The following CHRM2 variants were observed in gnomAD, a reference collection of about 807,000 sequenced individuals.
CHRM2 encodes the protein cholinergic receptor muscarinic 2.
A neutral mutation model predicts 25.0 loss-of-function variants in CHRM2; 8 were observed. The observed-to-expected ratio is 0.32, with a 90% CI of 0.19 to 0.58. CHRM2 has a LOEUF of 0.58. Among genes scored for constraint, CHRM2 ranks in the 20% least tolerant of loss-of-function variants. CHRM2 has a pLI of 0.88. For missense variants in CHRM2, 440 were observed against 567.1 expected, an observed-to-expected ratio of 0.78 and a Z score of 2.28; for synonymous variants, 202 against 205.7, an observed-to-expected ratio of 0.98 and a Z score of 0.15.
intron 2 of CHRM2, among the ~76,000 whole-genome samples, chr7:136,906,747 A>G (rs1039338066): frequency 1.8e-4 from 27 of 151,784 alleles, no homozygotes; most frequent in Admixed American, 1.3e-3. Context: ...AGTGGTCCCC[A>G]ACCTTTTTGG....
chr7:136,921,794 C>CTTTTTTTTTTTT (rs398006503), intron 2 of CHRM2, among the ~76,000 whole-genome samples: 5 of 116,538 alleles, frequency 4.3e-5, no homozygotes, highest in Non-Finnish European at 8.2e-5. Flanking sequence ...TTCTTTCTTT[C>CTTTTTTTTTTTT]TTTTTTTTGA....
At chr7:136,883,443 T>C (rs1187431024) in intron 2 of CHRM2, among the ~76,000 whole-genome samples, 1 of 152,086 alleles carries the variant, frequency 6.6e-6, no homozygotes, top group Non-Finnish European at 1.5e-5. Flanking sequence ...TATTTTATAG[T>C]GAGGAGACTT....
At chr7:136,947,096 C>T (rs1305947973) in intron 2 of CHRM2, among the ~76,000 whole-genome samples, 2 of 152,174 alleles carry the variant, frequency 1.3e-5, no homozygotes, top group African/African-American at 4.8e-5. Context: ...TCAGTGATAA[C>T]ATCAACCAAA....
chr7:136,902,134 T>G lies in CHRM2; in HGVS notation c.-125+32716T>G, dbSNP rs530961082. ...ATCAAAGCCTACTCTCAAAACAAAA[T>G]ATAAAAATAATTGTTAACTACTAAC... On this transcript the variant is annotated intron_variant, in intron 2 of 3. Transcript: ENST00000680005. The G allele has an allele frequency of 9.4e-4, 143 of 152,128 alleles. 1 individual carries two copies. Among genetic ancestry groups the G allele is most frequent in the African/African-American group, 3.3e-3 (138 of 41,540 alleles). The allele number at this position is 152,128 out of a possible 1,614,324, so 9.4% of individuals were successfully genotyped here. A position where few individuals can be genotyped will look rare whatever the true frequency, so the allele number is the denominator to read the frequency against.
intron 2 of CHRM2, among the ~76,000 whole-genome samples, chr7:136,987,202 C>T (rs1480484100): frequency 6.6e-6 from 1 of 152,066 alleles, no homozygotes; most frequent in Non-Finnish European, 1.5e-5. Context: ...CCTCTGTGAC[C>T]CTGCTCCAGC....
Position 136,889,850 on chromosome 7 carries a change from T to C in CHRM2, c.-125+20432T>C, listed in dbSNP as rs141248580. Among the ~76,000 whole-genome samples the C allele has an allele frequency of 5.1e-3, 774 of 152,344 alleles. 5 individuals carry two copies. Among genetic ancestry groups the C allele is most frequent in the African/African-American group, 0.018 (730 of 41,582 alleles). Reference sequence around the variant, plus strand: ...CTATGTTGAGTATATTTTAAAATTATGTTTAAATTCGTTAGACTTAGTTAT... The same window carrying C: ...CTATGTTGAGTATATTTTAAAATTACGTTTAAATTCGTTAGACTTAGTTAT... On this transcript the variant is annotated intron_variant, in intron 2 of 3. Coordinates refer to ENST00000680005, the MANE Select transcript of CHRM2 (RefSeq NM_001006630.2).
At chr7:137,007,661 G>C (rs1804533874) in intron 3 of CHRM2, among the ~76,000 whole-genome samples, 1 of 152,088 alleles carries the variant, frequency 6.6e-6, no homozygotes, top group Admixed American at 6.6e-5. Flanking sequence ...TGTCAATATT[G>C]CTAGCTAGCA....
chr7:136,897,184 C>A (rs939980786), intron 2 of CHRM2, among the ~76,000 whole-genome samples: 1 of 150,242 alleles, frequency 6.7e-6, no homozygotes, highest in Non-Finnish European at 1.5e-5. Flanking sequence ...AGGGTAGGCA[C>A]TTAGGCAGAT....
At chr7:136,958,389 G>T (rs983014967) in intron 2 of CHRM2, among the ~76,000 whole-genome samples, 1 of 147,264 alleles carries the variant, frequency 6.8e-6, no homozygotes, top group Non-Finnish European at 1.5e-5. Context: ...ATTTTCTATT[G>T]TACTTCTTAC....
chr7:136,988,896 AC>A (rs1388307184), intron 2 of CHRM2, among the ~76,000 whole-genome samples: 1 of 152,082 alleles, frequency 6.6e-6, no homozygotes, highest in East Asian at 1.9e-4. Flanking sequence ...ATATATTTAT[AC>A]AAATAAATTT....
At chr7:137,007,336 C>CT (rs1254267179) in intron 3 of CHRM2, among the ~76,000 whole-genome samples, 1 of 152,130 alleles carries the variant, frequency 6.6e-6, no homozygotes, top group Non-Finnish European at 1.5e-5. Context: ...CCCATTCCTA[C>CT]TTCACTTCTA....
chr7:136,918,482 A>T (rs1798244543), intron 2 of CHRM2, among the ~76,000 whole-genome samples: 1 of 152,108 alleles, frequency 6.6e-6, no homozygotes, highest in Non-Finnish European at 1.5e-5. Context: ...TCCTGTGTTC[A>T]CCCATCTCAC....
At position 136,917,777 on chromosome 7, in the gene CHRM2, T is replaced by A. The variant is rs145996585; in HGVS notation, c.-125+48359T>A. The stretch of plus-strand genomic sequence containing the variant: ...CACATCCTCCCATTGAGAACATTTC[T>A]CTCTTCATAACTGATTGGCCAATAG... On this transcript the variant is annotated intron_variant, in intron 2 of 3. Coordinates refer to ENST00000680005, the MANE Select transcript of CHRM2 (RefSeq NM_001006630.2). Among the ~76,000 whole-genome samples the A allele has an allele frequency of 4.7e-3, 712 of 152,188 alleles. 8 individuals carry two copies. The highest frequency in any genetic ancestry group is 0.016 in the African/African-American group (673 of 41,540).
intron 2 of CHRM2, among the ~76,000 whole-genome samples, chr7:136,967,152 T>C (rs897026881): frequency 5.3e-5 from 8 of 151,942 alleles, no homozygotes; most frequent in Non-Finnish European, 1.0e-4. Flanking sequence ...CATCTGATAA[T>C]GTGTTTCAGG....
chr7:136,880,698 A>G (rs1796231758), intron 2 of CHRM2, among the ~76,000 whole-genome samples: 1 of 151,596 alleles, frequency 6.6e-6, no homozygotes, highest in Non-Finnish European at 1.5e-5. Flanking sequence ...GTTTCCACAA[A>G]CCTTTTGGCC....
intron 2 of CHRM2, chr7:136,898,951 A>G (rs1417434827): frequency 6.6e-6 from 1 of 152,080 alleles, no homozygotes; most frequent in African/African-American, 2.4e-5. Flanking sequence ...CTGTTAATTT[A>G]TATAGGAAGC....
chr7:136,953,854 C>T (rs1800561639), intron 2 of CHRM2, among the ~76,000 whole-genome samples: 1 of 152,114 alleles, frequency 6.6e-6, no homozygotes, highest in Admixed American at 6.5e-5. Context: ...GAAGGTCCAG[C>T]AACACTAACC....
chr7:136,952,868 A>G (rs1437705010), intron 2 of CHRM2, among the ~76,000 whole-genome samples: 3 of 151,980 alleles, frequency 2.0e-5, no homozygotes, highest in Non-Finnish European at 4.4e-5. Flanking sequence ...AATGGCCTCT[A>G]GTTTCATGTT....
chr7:136,976,800 T>C (rs1244981371), intron 2 of CHRM2, among the ~76,000 whole-genome samples: 3 of 152,200 alleles, frequency 2.0e-5, no homozygotes, highest in Non-Finnish European at 4.4e-5. Flanking sequence ...TACTCCCTGC[T>C]GCAGGGATTA....
Sources: gnomAD v4.1 joint callset for allele counts (sites outside exome capture counted in the v4.1 genomes callset) on GRCh38, gnomAD v4.1.1 for gene constraint, MANE v1.5 for transcripts, NCBI Gene and HGNC (gene_info 2026-07-23, HGNC 2026-07-21) for gene names.